Variants in SLC39A11 observed in about 807,000 individuals in gnomAD.
The protein encoded by SLC39A11 is zinc transporter ZIP11.
A neutral mutation model predicts 36.1 loss-of-function variants in SLC39A11; 33 were observed. That is an observed-to-expected ratio of 0.91 (90% CI 0.69 to 1.22). SLC39A11 has a LOEUF of 1.22. SLC39A11 is among the 50% of genes most tolerant of loss of function. The pLI, the probability that SLC39A11 is intolerant of heterozygous loss-of-function variation, is 0.00. For synonymous variants in SLC39A11, 166 were observed against 170.3 expected, an observed-to-expected ratio of 0.97 and a Z score of 0.20; for missense variants, 432 against 430.3, an observed-to-expected ratio of 1.00 and a Z score of -0.03.
At chr17:72,916,799 T>A (rs867494630) in intron 5 of SLC39A11, among the ~76,000 whole-genome samples, 1 of 152,050 alleles carries the variant, frequency 6.6e-6, no homozygotes, top group Non-Finnish European at 1.5e-5. Context: ...CCTCCGCACC[T>A]CAATTCATGG....
intron 6 of SLC39A11, among the ~76,000 whole-genome samples, chr17:72,795,729 G>A (rs187273944): frequency 1.3e-5 from 2 of 152,192 alleles, no homozygotes; most frequent in African/African-American, 4.8e-5. Context: ...AGTGGTCATA[G>A]CACACCATGC....
intron 5 of SLC39A11, among the ~76,000 whole-genome samples, chr17:72,872,352 G>A (rs2080677741): frequency 1.3e-5 from 2 of 152,138 alleles, no homozygotes; most frequent in South Asian, 4.1e-4. Flanking sequence ...GGTCATCAGG[G>A]CCAGATGGGT....
intron 7 of SLC39A11, among the ~76,000 whole-genome samples, chr17:72,694,071 A>G (rs2072169963): frequency 6.6e-6 from 1 of 152,138 alleles, no homozygotes; most frequent in Admixed American, 6.5e-5. Flanking sequence ...CCAGAGGAAG[A>G]AGAGGAGGAA....
chr17:72,692,446 T>A (rs1008175982), intron 7 of SLC39A11, among the ~76,000 whole-genome samples: 1 of 152,200 alleles, frequency 6.6e-6, no homozygotes, highest in Admixed American at 6.5e-5. Flanking sequence ...CACTTCCACA[T>A]GGCTGGGGAG....
intron 6 of SLC39A11, among the ~76,000 whole-genome samples, chr17:72,841,278 A>C (rs1409334760): frequency 6.6e-6 from 1 of 152,214 alleles, no homozygotes; most frequent in Middle Eastern, 3.2e-3. Context: ...GCAAATAAAC[A>C]TGTTTAAATA....
intron 4 of SLC39A11, among the ~76,000 whole-genome samples, chr17:72,975,307 T>G (rs1159175631): frequency 6.6e-6 from 1 of 152,066 alleles, no homozygotes; most frequent in Non-Finnish European, 1.5e-5. Flanking sequence ...GGTGTGGTGG[T>G]GCATGCCTAT....
rs569100122 is a variant in SLC39A11 at position 72,846,018 on chromosome 17, C to CTTTTTTTTTTTTTTTTTT, written c.601+3598_601+3615dup. 3.1e-4 allele frequency among the ~76,000 whole-genome samples: 18 copies of CTTTTTTTTTTTTTTTTTT among 57,956 alleles called. 1 individual carries two copies. The highest frequency in any genetic ancestry group is 6.0e-4 in the African/African-American group (7 of 11,710). 38.0% of individuals were successfully genotyped at this position (57,956 alleles called of 152,430 possible). A position where few individuals can be genotyped will look rare whatever the true frequency, so the allele number is the denominator to read the frequency against. On this transcript the variant is annotated intron_variant, in intron 6 of 9. Coordinates refer to ENST00000255559, the MANE Select transcript of SLC39A11 (RefSeq NM_139177.4). ...CCAATGAATCTCTCTCTCTCTCTCT[C>CTTTTTTTTTTTTTTTTTT]TTTTTTTTTTTTTTTTTTTTTTTTT...
intron 5 of SLC39A11, among the ~76,000 whole-genome samples, chr17:72,909,403 A>G (rs544607431): frequency 3.9e-5 from 6 of 152,346 alleles, no homozygotes; most frequent in African/African-American, 1.4e-4. Context: ...CCCATTTTCC[A>G]AGCTCACTTG....
At chr17:72,941,555 TG>T (rs764698129) in intron 5 of SLC39A11, among the ~76,000 whole-genome samples, 2 of 32,082 alleles carry the variant, frequency 6.2e-5, no homozygotes, top group East Asian at 1.9e-3. Flanking sequence ...ATCAGGACTG[TG>T]TTTTTTTTTT....
At position 72,646,445 on chromosome 17, in the gene SLC39A11, C is replaced by G. The variant is rs1290420387; in HGVS notation, c.*1139G>C. On this transcript the variant is annotated 3_prime_UTR_variant, in exon 10 of 10. Transcript: ENST00000255559. ...TAGGCTGGCTTCTGGTCTAGTTCGA[C>G]TCATTCTTTATAGGGACATTTCAGA... 4 of 152,204 alleles carry G rather than the reference C, an allele frequency of 2.6e-5. No individual in the cohort carries two copies. The highest frequency in any genetic ancestry group is 9.7e-5 in the African/African-American group (4 of 41,448). The allele number at this position is 152,204 out of a possible 1,614,324, so 9.4% of individuals were successfully genotyped here.
At chr17:72,814,742 T>TGG (rs141279300) in intron 6 of SLC39A11, among the ~76,000 whole-genome samples, 61 of 152,296 alleles carry the variant, frequency 4.0e-4, no homozygotes, top group Admixed American at 1.8e-3. Flanking sequence ...CACCTGGGGC[T>TGG]GGGGGGACCC....
intron 4 of SLC39A11, among the ~76,000 whole-genome samples, chr17:72,990,395 A>G (rs1014876745): frequency 1.3e-5 from 2 of 152,330 alleles, no homozygotes; most frequent in East Asian, 3.9e-4. Context: ...AAAGAAACAC[A>G]TTTCCTTTTC....
intron 4 of SLC39A11, among the ~76,000 whole-genome samples, chr17:72,954,194 C>T (rs1045034177): frequency 1.3e-5 from 2 of 152,078 alleles, no homozygotes; most frequent in East Asian, 1.9e-4. Flanking sequence ...TACAGGTGCC[C>T]GCCACCATGC....
chr17:72,886,449 C>G (rs972343646), intron 5 of SLC39A11, among the ~76,000 whole-genome samples: 1 of 152,156 alleles, frequency 6.6e-6, no homozygotes, highest in African/African-American at 2.4e-5. Flanking sequence ...CTCCTCCTTT[C>G]TCCTTCTCTC....
At chr17:72,926,059 T>A (rs562897104) in intron 5 of SLC39A11, among the ~76,000 whole-genome samples, 6 of 152,226 alleles carry the variant, frequency 3.9e-5, no homozygotes, top group African/African-American at 1.2e-4. Context: ...TGGGGTCCCA[T>A]GTGAGCCCTC....
intron 6 of SLC39A11, among the ~76,000 whole-genome samples, chr17:72,761,115 T>A (rs1302870290): frequency 6.6e-6 from 1 of 152,044 alleles, no homozygotes; most frequent in Non-Finnish European, 1.5e-5. Flanking sequence ...GCCTTCCAAT[T>A]TTTGTTTTGT....
intron 4 of SLC39A11, among the ~76,000 whole-genome samples, chr17:72,971,095 C>A (rs909544245): frequency 3.3e-5 from 5 of 152,200 alleles, no homozygotes; most frequent in African/African-American, 9.7e-5. Flanking sequence ...TCTCCAATTC[C>A]CTGCTTTCTG....
intron 7 of SLC39A11, among the ~76,000 whole-genome samples, chr17:72,726,080 C>T (rs1387116040): frequency 6.6e-6 from 1 of 152,166 alleles, no homozygotes; most frequent in Non-Finnish European, 1.5e-5. Context: ...ACCCAAGTTG[C>T]TAGGCAGGGA....
At chr17:72,999,962 G>A (rs1214231600) in intron 4 of SLC39A11, among the ~76,000 whole-genome samples, 5 of 151,958 alleles carry the variant, frequency 3.3e-5, no homozygotes, top group African/African-American at 7.2e-5. Context: ...GGCTGGTCTC[G>A]AACTCCTGAG....
Sources: gnomAD v4.1 joint callset for allele counts (sites outside exome capture counted in the v4.1 genomes callset) on GRCh38, gnomAD v4.1.1 for gene constraint, MANE v1.5 for transcripts, NCBI Gene and HGNC (gene_info 2026-07-23, HGNC 2026-07-21) for gene names.